SPEF2: variants seen among roughly 807,000 people sequenced by gnomAD.
The protein encoded by SPEF2 is sperm flagella and cilia-associated protein 2.
A neutral mutation model predicts 224.6 loss-of-function variants in SPEF2; 187 were observed. The ratio of observed to expected loss-of-function variants is 0.83; its 90% confidence interval spans 0.74 to 0.94. The LOEUF (loss-of-function observed/expected upper bound fraction) is 0.94. Ranked by LOEUF, SPEF2 falls within the 40% of genes least tolerant of loss-of-function variation. SPEF2 has a pLI of 0.00. For missense variants in SPEF2, 2,170 were observed against 2,135.6 expected (o/e 1.02, Z -0.32); for synonymous variants, 715 against 707.3 (o/e 1.01, Z -0.17).
Position 35,713,091 on chromosome 5 carries a change from C to T in SPEF2, c.2914+205C>T, listed in dbSNP as rs370796604. Among the ~76,000 whole-genome samples, 9 of 152,220 alleles carry T rather than the reference C, an allele frequency of 5.9e-5. No individual in the cohort carries two copies. In the South Asian group the frequency reaches 1.9e-3, roughly 32 times the overall value. The stretch of plus-strand genomic sequence containing the variant: ...GCCCTGCTGAGAAAAGTGATGCTTG[C>T]AGGGATAATTTAGACAATATCTAAT... On this transcript the variant is annotated intron_variant, in intron 20 of 36. Coordinates refer to ENST00000356031, the MANE Select transcript of SPEF2 (RefSeq NM_024867.4).
intron 8 of SPEF2, among the ~76,000 whole-genome samples, chr5:35,665,554 A>G (rs1750354448): frequency 6.6e-6 from 1 of 152,114 alleles, no homozygotes; most frequent in Non-Finnish European, 1.5e-5. Context: ...CCATTCTACT[A>G]TTCCCTTAAA....
chr5:35,721,711 C>G (rs184647550), intron 20 of SPEF2, among the ~76,000 whole-genome samples: 1 of 147,528 alleles, frequency 6.8e-6, no homozygotes, highest in Non-Finnish European at 1.5e-5. Flanking sequence ...AGTTAGAGAT[C>G]TTTTCACAGA....
chr5:35,739,812 G>A, intron 21 of SPEF2, 107 bp from the exon 22 acceptor site: 1 of 1,261,206 alleles, frequency 7.9e-7, no homozygotes. Context: ...GCTTTATGTA[G>A]TTGCAGTTGC....
Position 35,807,160 on chromosome 5 carries a change from T to G in SPEF2, c.5286T>G (p.Gly1762=). 1 of 1,613,544 alleles carries G rather than the reference T, an allele frequency of 6.2e-7. No homozygotes were observed. Among genetic ancestry groups the G allele is most frequent in the African/African-American group, 1.3e-5 (1 of 74,986 alleles). Residue 1762 remains glycine (G), a synonymous_variant, in exon 36 of 37, where the codon GGT becomes GGG. Coordinates refer to ENST00000356031, the MANE Select transcript of SPEF2 (RefSeq NM_024867.4). The part of the protein sequence containing the change: ...EGFIKTFQDL[G]AKNLEPIEVA... The stretch of plus-strand genomic sequence containing the variant: ...TCATAAAAACATTTCAAGACCTAGG[T>G]GCCAAGAACCTGGAGCCAATTGAAG...
At chr5:35,692,436 A>C (rs1754653634) in intron 11 of SPEF2, 134 bp from the exon 12 acceptor site, 2 of 691,988 alleles carry the variant, frequency 2.9e-6, no homozygotes, top group Non-Finnish European at 4.8e-6. Flanking sequence ...AACAAAACAA[A>C]AAAGAAACTT....
chr5:35,675,454 C>G (rs1210572543), intron 10 of SPEF2: 1 of 152,754 alleles, frequency 6.5e-6, no homozygotes, highest in Non-Finnish European at 1.5e-5. Context: ...CTCTAACTCC[C>G]TAAATTCCTT....
rs529568440 is a variant in SPEF2, at chr5:35,715,563, C to T, written c.2914+2677C>T. Among the ~76,000 whole-genome samples, 118 of 152,094 alleles carry T rather than the reference C, an allele frequency of 7.8e-4. 1 individual carries two copies. The highest frequency in any genetic ancestry group is 2.7e-3 in the African/African-American group (113 of 41,494). On this transcript the variant is annotated intron_variant, in intron 20 of 36. Coordinates refer to ENST00000356031, the MANE Select transcript of SPEF2 (RefSeq NM_024867.4). ...ATCAAGGGACAGGAAAATGTCTCTT[C>T]CTCTGGGTGATTAGATAATGGGCGC...
At chr5:35,751,007 ATATACG>A (rs1749363277) in intron 23 of SPEF2, among the ~76,000 whole-genome samples, 2 of 120,544 alleles carry the variant, frequency 1.7e-5, no homozygotes, top group Admixed American at 8.5e-5. Flanking sequence ...GTATATATAT[ATATACG>A]TATATATATA....
Position 35,806,814 on chromosome 5 carries a change from G to A in SPEF2, c.5118G>A (p.Lys1706=). The A allele has an allele frequency of 6.2e-7, 1 of 1,613,916 alleles. No homozygotes were observed. Among genetic ancestry groups the A allele is most frequent in the Non-Finnish European group, 8.5e-7 (1 of 1,179,922 alleles). ...LKDDTEKREQ[K]DEEIPENANN... is the part of the protein sequence containing the mutation. ...ACGACACGGAGAAAAGGGAACAGAA[G>A]GATGAAGAAATCCCTGAAAATGCAA... The change falls in exon 35 of 37, where the codon AAG becomes AAA. Residue 1706 remains lysine, a synonymous_variant. Coordinates refer to ENST00000356031, the MANE Select transcript of SPEF2 (RefSeq NM_024867.4).
chr5:35,797,220 TGGAA>T (rs1241887888), intron 33 of SPEF2, among the ~76,000 whole-genome samples: 2 of 151,924 alleles, frequency 1.3e-5, no homozygotes, highest in Non-Finnish European at 2.9e-5. Context: ...CACCTGCTGC[TGGAA>T]GATTACAGGG....
At chr5:35,682,979 A>G (rs1267319761) in intron 10 of SPEF2, among the ~76,000 whole-genome samples, 1 of 152,170 alleles carries the variant, frequency 6.6e-6, no homozygotes, top group East Asian at 1.9e-4. Context: ...GAAGTGTGCA[A>G]CTCAACCCAC....
At chr5:35,793,668 T>A (rs1047746055) in intron 32 of SPEF2, among the ~76,000 whole-genome samples, 2 of 152,038 alleles carry the variant, frequency 1.3e-5, no homozygotes, top group African/African-American at 4.8e-5. Flanking sequence ...TCTGCAAAGC[T>A]TTTAATAGGT....
intron 26 of SPEF2, among the ~76,000 whole-genome samples, chr5:35,768,880 CT>C: frequency 1.3e-5 from 2 of 152,184 alleles, no homozygotes; most frequent in Admixed American, 1.3e-4. Context: ...TTAACACAGG[CT>C]TTTTTCTACA....
chr5:35,760,499 G>T (rs1488398927), intron 25 of SPEF2, among the ~76,000 whole-genome samples: 6 of 152,140 alleles, frequency 3.9e-5, no homozygotes, highest in African/African-American at 1.2e-4. Context: ...AAGACATTGA[G>T]AAACAGTAAA....
chr5:35,636,603 A>G (rs1263585023), intron 2 of SPEF2, among the ~76,000 whole-genome samples: 2 of 152,108 alleles, frequency 1.3e-5, no homozygotes, highest in African/African-American at 2.4e-5. Context: ...GACTTTTTTC[A>G]GTGAGTAAGC....
intron 27 of SPEF2, among the ~76,000 whole-genome samples, chr5:35,772,378 A>G (rs1752986743): frequency 6.6e-6 from 1 of 152,134 alleles, no homozygotes; most frequent in South Asian, 2.1e-4. Flanking sequence ...AATGCTCTAG[A>G]TGGATGCCAA....
At chr5:35,628,433 T>A in intron 1 of SPEF2, 27 bp from the exon 2 acceptor site, 3 of 1,481,940 alleles carry the variant, frequency 2.0e-6, no homozygotes, top group Non-Finnish European at 2.8e-6. Context: ...GTATTCATGG[T>A]TTTTATCTCA....
At chr5:35,658,432 G>C (rs761664229) in intron 7 of SPEF2, among the ~76,000 whole-genome samples, 1 of 152,060 alleles carries the variant, frequency 6.6e-6, no homozygotes, top group Non-Finnish European at 1.5e-5. Flanking sequence ...CCTCACGTTG[G>C]TATTGTGATA....
intron 6 of SPEF2, among the ~76,000 whole-genome samples, chr5:35,652,200 T>C (rs1748290339): frequency 6.6e-6 from 1 of 152,146 alleles, no homozygotes; most frequent in African/African-American, 2.4e-5. Context: ...GTACATAATG[T>C]GTAGTTTTTT....
Sources: allele counts gnomAD v4.1 joint callset (sites outside exome capture counted in the v4.1 genomes callset), GRCh38; gene constraint gnomAD v4.1.1; transcripts MANE v1.5; gene names NCBI Gene and HGNC (gene_info 2026-07-23, HGNC 2026-07-21).